The following KDM4C variants were observed in gnomAD, a reference collection of about 807,000 sequenced individuals.
KDM4C encodes lysine demethylase 4C.
In KDM4C, 81 loss-of-function variants were observed where a neutral mutation model predicts 129.3. The observed-to-expected ratio is 0.63, with a 90% CI of 0.52 to 0.75. KDM4C has a LOEUF of 0.75. Among genes scored for constraint, KDM4C ranks in the 30% least tolerant of loss-of-function variants. The probability of loss-of-function intolerance (pLI) is 0.00; values close to 1 mark genes in which losing one functional copy is unlikely to be tolerated. For missense variants in KDM4C, 1,457 were observed against 1,304.0 expected (o/e 1.12, Z -1.81); for synonymous variants, 573 against 456.1 (o/e 1.26, Z -3.26).
At chr9:6,793,219 C>T (rs1375366410) in intron 2 of KDM4C, 87 bp downstream of exon 2, 1 of 1,454,662 alleles carries the variant, frequency 6.9e-7, no homozygotes, top group Non-Finnish European at 9.4e-7. Flanking sequence ...GACATTGTTT[C>T]TGAAGGAAGA....
chr9:6,891,834 A>G (rs1846154128), intron 7 of KDM4C, among the ~76,000 whole-genome samples: 4 of 152,144 alleles, frequency 2.6e-5, no homozygotes, highest in African/African-American at 4.8e-5. Context: ...TTTAATAAAT[A>G]TATTTCTTCC....
intron 19 of KDM4C, among the ~76,000 whole-genome samples, chr9:7,131,603 C>A (rs1840649018): frequency 6.6e-6 from 1 of 152,120 alleles, no homozygotes; most frequent in African/African-American, 2.4e-5. Context: ...CAGGCATGAG[C>A]CACGGTGCCC....
intron 12 of KDM4C, among the ~76,000 whole-genome samples, chr9:7,001,282 A>T (rs529706067): frequency 6.6e-6 from 1 of 152,340 alleles, no homozygotes; most frequent in Non-Finnish European, 1.5e-5. Context: ...TAAAAACTAG[A>T]AACTTAAGGA....
intron 8 of KDM4C, among the ~76,000 whole-genome samples, chr9:6,922,457 A>G (rs1026497631): frequency 6.6e-6 from 1 of 152,252 alleles, no homozygotes; most frequent in African/African-American, 2.4e-5. Flanking sequence ...ATCTTCAGCA[A>G]TCTTCCAGGC....
intron 17 of KDM4C, among the ~76,000 whole-genome samples, chr9:7,071,638 C>G (rs1414586618): frequency 6.6e-6 from 1 of 152,016 alleles, no homozygotes; most frequent in Non-Finnish European, 1.5e-5. Context: ...GGATCATAAA[C>G]AAACATCAAA....
At position 7,054,689 on chromosome 9, in the gene KDM4C, T is replaced by C. The variant is rs1830634965; in HGVS notation, c.2424+5489T>C. On this transcript the variant is annotated intron_variant, in intron 17 of 21. Transcript: ENST00000381309. Reference sequence around the variant, plus strand: ...GTATGGATTTCTGGTAGTTGCTGTATGTTTACCATGAATGTTTATTGTATA... The same window carrying C: ...GTATGGATTTCTGGTAGTTGCTGTACGTTTACCATGAATGTTTATTGTATA... Among the ~76,000 whole-genome samples, 3 of 152,240 alleles carry C rather than the reference T, an allele frequency of 2.0e-5. No individual in the cohort carries two copies. In the South Asian group the frequency reaches 6.2e-4, roughly 32 times the overall value.
rs1588911283 is a variant in KDM4C, at chr9:6,882,805, T to TCAC, written c.679+2744_679+2745insCAC. 1.3e-4 allele frequency among the ~76,000 whole-genome samples: 20 copies of TCAC among 149,262 alleles called. 1 individual carries two copies. The South Asian group carries it at 1.9e-3, about 14-fold the overall frequency. The stretch of plus-strand genomic sequence containing the variant: ...GTGTGTGTGTGTGTGTGTGTGTGTG[T>TCAC]GCGCGTGTGCACGTGCACGCACATT... On this transcript the variant is annotated intron_variant, in intron 6 of 21. Transcript: ENST00000381309.
chr9:6,830,797 C>T (rs889947041), intron 4 of KDM4C, among the ~76,000 whole-genome samples: 1 of 152,192 alleles, frequency 6.6e-6, no homozygotes, highest in Non-Finnish European at 1.5e-5. Flanking sequence ...AACTCAGTAG[C>T]ACCAGCCCTC....
In KDM4C at chr9:6,960,405, G is replaced by T. The variant is rs1829829870; in HGVS notation, c.922-20520G>T. 2.7e-5 allele frequency among the ~76,000 whole-genome samples: 4 copies of T among 150,782 alleles called. No individual in the cohort carries two copies. In the South Asian group the frequency reaches 8.4e-4, roughly 32 times the overall value. On this transcript the variant is annotated intron_variant, in intron 8 of 21. Transcript: ENST00000381309. ...AGGGATCCTCTCTCCTCAGTCTCCT[G>T]AGTAGCTGGAACTATAAGCTTGCAT... is the stretch of plus-strand genomic sequence containing the variant.
chr9:6,773,221 C>T (rs868160555), intron 1 of KDM4C, among the ~76,000 whole-genome samples: 5 of 152,038 alleles, frequency 3.3e-5, no homozygotes, highest in African/African-American at 9.7e-5. Flanking sequence ...AGCCTTATCT[C>T]GAACTCCTGA....
chr9:6,980,714 A>G (rs952012701), intron 8 of KDM4C, among the ~76,000 whole-genome samples: 1 of 152,184 alleles, frequency 6.6e-6, no homozygotes, highest in African/African-American at 2.4e-5. Flanking sequence ...TCCACAAACC[A>G]TTATAACCAC....
intron 19 of KDM4C, among the ~76,000 whole-genome samples, chr9:7,133,773 G>A (rs1840896227): frequency 6.6e-6 from 1 of 152,188 alleles, no homozygotes; most frequent in Non-Finnish European, 1.5e-5. Flanking sequence ...GCAAGCATAG[G>A]TGTAGGAGAG....
chr9:6,942,282 AGTGTGTGTGTGTGT>A (rs58676459), intron 8 of KDM4C, among the ~76,000 whole-genome samples: 10 of 142,622 alleles, frequency 7.0e-5, no homozygotes, highest in East Asian at 2.1e-4. Flanking sequence ...TAGCCCTCAA[AGTGTGTGTGTGTGT>A]GTGTGTGTGT....
chr9:7,105,860 G>A (rs1030640265), intron 18 of KDM4C, among the ~76,000 whole-genome samples: 1 of 152,186 alleles, frequency 6.6e-6, no homozygotes, highest in African/African-American at 2.4e-5. Flanking sequence ...CCTAAATGAT[G>A]ATGAAAAAGA....
chr9:6,811,856 C>G (rs12682800), intron 3 of KDM4C, among the ~76,000 whole-genome samples: 1 of 152,030 alleles, frequency 6.6e-6, no homozygotes, highest in Non-Finnish European at 1.5e-5. Context: ...GTGAGAGGTT[C>G]TGGGTAAGAA....
At chr9:6,822,340 C>T (rs1387016272) in intron 4 of KDM4C, among the ~76,000 whole-genome samples, 3 of 152,068 alleles carry the variant, frequency 2.0e-5, no homozygotes, top group African/African-American at 7.2e-5. Flanking sequence ...ATTATTTGTT[C>T]TTGGGGAAGA....
chr9:6,821,832 G>T (rs1411386078), intron 4 of KDM4C, among the ~76,000 whole-genome samples: 2 of 152,014 alleles, frequency 1.3e-5, no homozygotes, highest in African/African-American at 2.4e-5. Flanking sequence ...ACCGTGATTC[G>T]CCATGTTGGC....
At chr9:7,143,969 G>A (rs559283521) in intron 19 of KDM4C, among the ~76,000 whole-genome samples, 6 of 152,278 alleles carry the variant, frequency 3.9e-5, no homozygotes, top group Admixed American at 3.3e-4. Flanking sequence ...GATAGAAGCT[G>A]TAGCTTATGT....
intron 1 of KDM4C, among the ~76,000 whole-genome samples, chr9:6,747,315 A>G (rs1817915791): frequency 1.3e-5 from 2 of 152,008 alleles, no homozygotes; most frequent in Non-Finnish European, 2.9e-5. Context: ...TGGGAGGCCG[A>G]GAGGGGCGGA....
Sources: allele counts gnomAD v4.1 joint callset (sites outside exome capture counted in the v4.1 genomes callset), GRCh38; gene constraint gnomAD v4.1.1; transcripts MANE v1.5; gene names NCBI Gene and HGNC (gene_info 2026-07-23, HGNC 2026-07-21).